Variants in TRPV4 observed in about 807,000 individuals in gnomAD.
TRPV4 encodes the protein transient receptor potential cation channel subfamily V member 4.
A neutral mutation model predicts 84.1 loss-of-function variants in TRPV4; 58 were observed. The ratio of observed to expected loss-of-function variants is 0.69; its 90% CI spans 0.56 to 0.86. The LOEUF (loss-of-function observed/expected upper bound fraction) is 0.86. Among genes scored for constraint, TRPV4 ranks in the 40% least tolerant of loss-of-function variants. TRPV4 has a pLI of 0.00. For missense variants in TRPV4, 879 were observed against 1,181.1 expected, an observed-to-expected ratio of 0.74 and a Z score of 3.75; for synonymous variants, 489 against 500.9, an observed-to-expected ratio of 0.98 and a Z score of 0.32.
intron 13 of TRPV4, among the ~76,000 whole-genome samples, chr12:109,787,650 T>C (rs1026137429): frequency 2.6e-5 from 4 of 152,094 alleles, no homozygotes; most frequent in Non-Finnish European, 5.9e-5. Context: ...GTAAGCAATA[T>C]AGATAAAGGT....
At chr12:109,787,789 G>A (rs1052822736) in intron 13 of TRPV4, among the ~76,000 whole-genome samples, 1 of 152,148 alleles carries the variant, frequency 6.6e-6, no homozygotes. Context: ...TTCCTGGGCC[G>A]TGGGGCAGCA....
chr12:109,800,446 C>G (rs1890700909), intron 5 of TRPV4, among the ~76,000 whole-genome samples, 172 bp downstream of exon 5: 1 of 152,124 alleles, frequency 6.6e-6, no homozygotes, highest in Admixed American at 6.5e-5. Context: ...GGCAACGGCC[C>G]TGTGACCAAG....
rs542501947 is a variant in TRPV4 at position 109,809,330 on chromosome 12, A to G, written c.387-862T>C. Among the ~76,000 whole-genome samples, 11 of 137,038 alleles carry G rather than the reference A, an allele frequency of 8.0e-5. No individual in the cohort carries two copies. The South Asian group carries it at 2.4e-3, about 30-fold the overall frequency. 89.9% of individuals were successfully genotyped at this position (137,038 alleles called of 152,430 possible). A position where few individuals can be genotyped will look rare whatever the true frequency, so the allele number is the denominator to read the frequency against. On this transcript the variant is annotated intron_variant, in intron 2 of 15. Transcript: ENST00000261740. ...CCATCCATCCATCCCTCATCCATAC[A>G]TCCACCCACCCAGCATCCACCCATC...
At chr12:109,818,416 C>A (rs1891953961) in intron 1 of TRPV4, among the ~76,000 whole-genome samples, 1 of 151,718 alleles carries the variant, frequency 6.6e-6, no homozygotes, top group East Asian at 1.9e-4. Flanking sequence ...GTATTGCAAT[C>A]ATTCCCATTT....
Position 109,783,783 on chromosome 12 carries a change from A to G in TRPV4, c.2459-5T>C, listed in dbSNP as rs1321942751. ...GTACCACCGAGGACCAGCGATCTGC[A>G]CCGAGAGCACATCAGAGGGAGGGGT... On this transcript the variant is annotated splice_polypyrimidine_tract_variant and splice_region_variant and intron_variant, in intron 15 of 15. Coordinates refer to ENST00000261740, the MANE Select transcript of TRPV4 (RefSeq NM_021625.5). This position sits in a 1 kb window ranked among gnomAD's most constrained non-coding sequence, Gnocchi z 4.6. 2 of 1,611,110 alleles carry G rather than the reference A, an allele frequency of 1.2e-6. No individual in the cohort carries two copies. The highest frequency in any genetic ancestry group is 2.2e-5 in the South Asian group (2 of 91,048).
intron 6 of TRPV4, among the ~76,000 whole-genome samples, chr12:109,797,705 T>TA (rs1890495496): frequency 6.6e-6 from 1 of 152,096 alleles, no homozygotes; most frequent in Non-Finnish European, 1.5e-5. Context: ...CATTTTTTTT[T>TA]ATTTTGGTTT....
chr12:109,822,616 T>G (rs980310848), intron 1 of TRPV4, among the ~76,000 whole-genome samples: 2 of 152,130 alleles, frequency 1.3e-5, no homozygotes, highest in African/African-American at 4.8e-5. Context: ...GCGCCTTTGA[T>G]GGACACTTTA....
rs375478213 is a variant in TRPV4, at chr12:109,793,906, G to C, written c.1584+24C>G. 13 of 1,570,662 alleles carry C rather than the reference G, an allele frequency of 8.3e-6. No individual in the cohort carries two copies. In the African/African-American group the frequency reaches 1.6e-4, roughly 20 times the overall value. On this transcript the variant is annotated intron_variant, in intron 9 of 15. Coordinates refer to ENST00000261740, the MANE Select transcript of TRPV4 (RefSeq NM_021625.5). The surrounding 1 kb of genome is among the most constrained non-coding windows in gnomAD (Gnocchi z 4.0). ...GAGAAGAGGAGGGCAGGCAGGGTGG[G>C]GGGCACGGGGGCCAGGCACTTACGT...
chr12:109,791,479 C>CTTTTTTT (rs1192347867), intron 12 of TRPV4, among the ~76,000 whole-genome samples: 1 of 128,432 alleles, frequency 7.8e-6, no homozygotes, highest in African/African-American at 3.0e-5. Context: ...CATTCACCAG[C>CTTTTTTT]TTTTTTTTTT....
chr12:109,816,681 G>C (rs1416987853), intron 1 of TRPV4, among the ~76,000 whole-genome samples: 1 of 152,208 alleles, frequency 6.6e-6, no homozygotes, highest in South Asian at 2.1e-4. Context: ...AGGAGGCTGA[G>C]GCAGGAGAAT....
intron 1 of TRPV4, among the ~76,000 whole-genome samples, chr12:109,818,841 T>A (rs927953783): frequency 6.6e-6 from 1 of 152,202 alleles, no homozygotes; most frequent in African/African-American, 2.4e-5. Context: ...AGCCTGACAT[T>A]TTATAGCCCA....
intron 3 of TRPV4, among the ~76,000 whole-genome samples, chr12:109,805,531 T>C (rs1479611450): frequency 2.6e-5 from 4 of 152,042 alleles, no homozygotes; most frequent in Admixed American, 1.3e-4. Context: ...AATTGCCAAA[T>C]TGGAGGTTGT....
At chr12:109,795,272 T>C (rs945982068) in intron 7 of TRPV4, among the ~76,000 whole-genome samples, 5 of 152,212 alleles carry the variant, frequency 3.3e-5, no homozygotes, top group African/African-American at 1.2e-4. Flanking sequence ...ATTGTATTCA[T>C]ACAGTTCCCT....
chr12:109,795,333 G>A (rs996770638), intron 7 of TRPV4, among the ~76,000 whole-genome samples: 2 of 152,134 alleles, frequency 1.3e-5, no homozygotes, highest in African/African-American at 4.8e-5. Flanking sequence ...TAAACCTCCT[G>A]CCACCACTAA....
rs139514732 is a variant in TRPV4 at position 109,819,103 on chromosome 12, G to T, written c.-31-4276C>A. Among the ~76,000 whole-genome samples, 52 of 151,430 alleles carry T rather than the reference G, an allele frequency of 3.4e-4. No individual in the cohort carries two copies. The East Asian group carries it at 5.5e-3, about 16-fold the overall frequency. On this transcript the variant is annotated intron_variant, in intron 1 of 15. Transcript: ENST00000261740. ...TGTGTACACACACACACACACACCC[G>T]GCTCTGCTGCTCTGTGGCAATTCCC...
At chr12:109,803,415 CT>C (rs1223983223) in intron 3 of TRPV4, among the ~76,000 whole-genome samples, 2 of 152,112 alleles carry the variant, frequency 1.3e-5, no homozygotes, top group Admixed American at 1.3e-4. Flanking sequence ...TTTAATTAAT[CT>C]TATTTGGGAA....
intron 3 of TRPV4, among the ~76,000 whole-genome samples, chr12:109,806,537 C>T (rs1437551956): frequency 4.0e-5 from 6 of 151,350 alleles, no homozygotes; most frequent in Admixed American, 1.3e-4. Context: ...CACAATGATA[C>T]TGCATCGTAT....
chr12:109,803,214 C>T lies in TRPV4; in HGVS notation c.560-71G>A, dbSNP rs943727027. On this transcript the variant is annotated intron_variant, in intron 3 of 15. Coordinates refer to ENST00000261740, the MANE Select transcript of TRPV4 (RefSeq NM_021625.5). ...CCTTGAACTTCCAGGCATCGGGGTA[C>T]AGAACACTGGGTAGGGGGTCAGATG... is the stretch of plus-strand genomic sequence containing the variant. 2.8e-5 allele frequency: 44 copies of T among 1,571,940 alleles called. 2 individuals carry two copies. In the Admixed American group the frequency reaches 3.1e-4, roughly 11 times the overall value.
chr12:109,783,449 G>T lies in TRPV4; in HGVS notation c.*172C>A. The T allele has an allele frequency of 1.2e-6, 1 of 856,488 alleles. No homozygotes were observed. Among genetic ancestry groups the T allele is most frequent in the Non-Finnish European group, 1.7e-6 (1 of 575,802 alleles). 53.1% of individuals were successfully genotyped at this position (856,488 alleles called of 1,614,324 possible). A position where few individuals can be genotyped will look rare whatever the true frequency, so the allele number is the denominator to read the frequency against. On this transcript the variant is annotated 3_prime_UTR_variant, in exon 16 of 16. Transcript: ENST00000261740. This position sits in a 1 kb window ranked among gnomAD's most constrained non-coding sequence, Gnocchi z 4.6. ...GGTGGCCGGGAGCCCCCACCCCAGG[G>T]TGGGGAGGCAGAGCCAGGGGACCAC...
Sources: gnomAD v4.1 joint callset for allele counts (sites outside exome capture counted in the v4.1 genomes callset) on GRCh38, gnomAD v4.1.1 for gene constraint, Gnocchi (gnomAD v3.1) non-coding constraint, MANE v1.5 for transcripts, NCBI Gene and HGNC (gene_info 2026-07-23, HGNC 2026-07-21) for gene names.